The following TAFA2 variants were observed in gnomAD, a reference collection of about 807,000 sequenced individuals.
TAFA2 encodes the protein chemokine-like protein TAFA-2.
A neutral mutation model predicts 18.8 loss-of-function variants in TAFA2; 7 were observed. That is an observed-to-expected ratio of 0.37 (90% CI 0.21 to 0.70). The LOEUF (loss-of-function observed/expected upper bound fraction) is 0.70. Ranked by LOEUF, TAFA2 falls within the 30% of genes least tolerant of loss-of-function variation. TAFA2 has a pLI of 0.53. For missense variants in TAFA2, 122 were observed against 158.1 expected (o/e 0.77, Z 1.23); for synonymous variants, 60 against 54.2 (o/e 1.11, Z -0.47).
At chr12:62,093,539 C>A (rs1169332426) in intron 1 of TAFA2, among the ~76,000 whole-genome samples, 1 of 151,946 alleles carries the variant, frequency 6.6e-6, no homozygotes, top group African/African-American at 2.4e-5. Context: ...TCAGCAAGAC[C>A]CCCTGGGGAA....
chr12:61,780,738 C>G lies in TAFA2; in HGVS notation c.107-25714G>C, dbSNP rs772217340. Among the ~76,000 whole-genome samples, 19 of 151,760 alleles carry G rather than the reference C, an allele frequency of 1.3e-4. 1 individual carries two copies. Among genetic ancestry groups the G allele is most frequent in the Middle Eastern group, 6.8e-3 (2 of 294 alleles). ...TAAAGTCCTTCAGTACTTTCTCACT[C>G]GCTCCTTCCAGTGTTTAAAAATTCT... On this transcript the variant is annotated intron_variant, in intron 2 of 4. Transcript: ENST00000416284.
intron 1 of TAFA2, among the ~76,000 whole-genome samples, chr12:62,148,389 T>G (rs2062303077): frequency 6.6e-6 from 1 of 152,232 alleles, no homozygotes; most frequent in South Asian, 2.1e-4. Context: ...CCAAGTTTTT[T>G]GCAGCAACAT....
chr12:61,977,633 T>C (rs1324854298), intron 1 of TAFA2, among the ~76,000 whole-genome samples: 3 of 152,106 alleles, frequency 2.0e-5, no homozygotes, highest in Non-Finnish European at 4.4e-5. Context: ...GTCTTATAGT[T>C]GGTAGACCAG....
chr12:62,112,914 A>G (rs2136867865), intron 1 of TAFA2, among the ~76,000 whole-genome samples: 1 of 152,178 alleles, frequency 6.6e-6, no homozygotes, highest in South Asian at 2.1e-4. Context: ...GCTTCCTTGC[A>G]CTGGGTTAGA....
At chr12:62,013,946 A>G (rs1565716198) in intron 1 of TAFA2, among the ~76,000 whole-genome samples, 1 of 152,226 alleles carries the variant, frequency 6.6e-6, no homozygotes, top group Admixed American at 6.5e-5. Flanking sequence ...TATGCAGAAG[A>G]GAAATTAACT....
intron 1 of TAFA2, among the ~76,000 whole-genome samples, chr12:62,166,466 T>C (rs7953003): frequency 0.24 from 36,984 of 152,092 alleles, 4,994 homozygotes; most frequent in Non-Finnish European, 0.3. Context: ...TATTTAATAA[T>C]AGTAAAGGAA....
At chr12:61,803,806 T>C (rs114407396) in intron 2 of TAFA2, among the ~76,000 whole-genome samples, 3,769 of 152,042 alleles carry the variant, frequency 0.025, 156 homozygotes, top group African/African-American at 0.086. Context: ...ATATAGTACA[T>C]ACTTCATAAT....
At chr12:62,149,550 A>G (rs924222055) in intron 1 of TAFA2, among the ~76,000 whole-genome samples, 1 of 143,192 alleles carries the variant, frequency 7.0e-6, no homozygotes, top group Admixed American at 6.9e-5. Flanking sequence ...ATTTCCTTAA[A>G]TAGAATATAT....
chr12:61,878,362 C>T (rs1874961280), intron 1 of TAFA2, among the ~76,000 whole-genome samples: 1 of 152,116 alleles, frequency 6.6e-6, no homozygotes, highest in South Asian at 2.1e-4. Context: ...TGGCAAGAGT[C>T]GTAATGGGAA....
chr12:62,219,425 A>G (rs1228963680), intron 1 of TAFA2, among the ~76,000 whole-genome samples: 1 of 152,138 alleles, frequency 6.6e-6, no homozygotes, highest in East Asian at 1.9e-4. Flanking sequence ...ACACACAGCA[A>G]CCCCAGAATT....
chr12:61,951,891 T>TAA (rs5798623), intron 1 of TAFA2, among the ~76,000 whole-genome samples: 7,171 of 148,972 alleles, frequency 0.048, 306 homozygotes, highest in Non-Finnish European at 0.066. Flanking sequence ...TTCACTTAAT[T>TAA]AAAAAAAAAA....
intron 1 of TAFA2, among the ~76,000 whole-genome samples, chr12:61,909,640 G>A (rs1267327262): frequency 1.3e-5 from 2 of 152,158 alleles, no homozygotes; most frequent in African/African-American, 2.4e-5. Flanking sequence ...ACTGGCAGTG[G>A]CAGATGTAGT....
At chr12:62,044,049 C>T (rs187427164) in intron 1 of TAFA2, among the ~76,000 whole-genome samples, 1 of 152,010 alleles carries the variant, frequency 6.6e-6, no homozygotes, top group Non-Finnish European at 1.5e-5. Context: ...AATCTGCAAA[C>T]CTTTTTCCAT....
chr12:61,933,080 T>C (rs1235659426), intron 1 of TAFA2, among the ~76,000 whole-genome samples: 1 of 152,034 alleles, frequency 6.6e-6, no homozygotes, highest in Non-Finnish European at 1.5e-5. Context: ...TACATCTACA[T>C]AGTGAAAAAA....
chr12:61,746,395 G>A (rs1173963731), intron 4 of TAFA2, among the ~76,000 whole-genome samples: 1 of 152,038 alleles, frequency 6.6e-6, no homozygotes, highest in Non-Finnish European at 1.5e-5. Context: ...TTTCTTCATA[G>A]CAGTGTGAGA....
chr12:62,083,876 T>C (rs1868361669), intron 1 of TAFA2, among the ~76,000 whole-genome samples: 1 of 152,200 alleles, frequency 6.6e-6, no homozygotes, highest in Non-Finnish European at 1.5e-5. Context: ...GACTTTTTTA[T>C]TTTTTATAAT....
At chr12:61,996,335 C>T (rs1337004360) in intron 1 of TAFA2, among the ~76,000 whole-genome samples, 5 of 146,750 alleles carry the variant, frequency 3.4e-5, no homozygotes, top group Admixed American at 2.1e-4. Flanking sequence ...CCCATCCTCC[C>T]ACAACCCTTT....
chr12:61,857,441 C>T (rs1473531575), intron 2 of TAFA2, among the ~76,000 whole-genome samples: 1 of 152,122 alleles, frequency 6.6e-6, no homozygotes, highest in Non-Finnish European at 1.5e-5. Context: ...TTATATACTT[C>T]TGCAAGGAAA....
intron 1 of TAFA2, among the ~76,000 whole-genome samples, chr12:62,082,760 C>T (rs1218459970): frequency 6.6e-6 from 1 of 152,152 alleles, no homozygotes; most frequent in Non-Finnish European, 1.5e-5. Context: ...GTCACCAACT[C>T]ATCACAGTGG....
Sources: gnomAD v4.1 joint callset for allele counts (sites outside exome capture counted in the v4.1 genomes callset) on GRCh38, gnomAD v4.1.1 for gene constraint, MANE v1.5 for transcripts, NCBI Gene and HGNC (gene_info 2026-07-23, HGNC 2026-07-21) for gene names.